Variants in INPP4B observed in about 807,000 individuals in gnomAD.
INPP4B encodes the protein inositol polyphosphate 4-phosphatase type II.
A neutral mutation model predicts 122.5 loss-of-function variants in INPP4B; 55 were observed. The observed-to-expected ratio is 0.45, with a 90% CI of 0.36 to 0.56. The LOEUF (loss-of-function observed/expected upper bound fraction) is 0.56. INPP4B is among the 20% of genes least tolerant of loss of function. INPP4B has a pLI of 0.00. For synonymous variants in INPP4B, 403 were observed against 388.7 expected (o/e 1.04, Z -0.43); for missense variants, 1,000 against 1,097.7 (o/e 0.91, Z 1.26).
At chr4:142,641,287 T>C (rs1395150882) in intron 2 of INPP4B, among the ~76,000 whole-genome samples, 3 of 152,284 alleles carry the variant, frequency 2.0e-5, no homozygotes, top group Non-Finnish European at 2.9e-5. Context: ...ATATTTATTA[T>C]ACTTTAAGTT....
intron 2 of INPP4B, among the ~76,000 whole-genome samples, chr4:142,676,991 T>C (rs1262213519): frequency 6.6e-6 from 1 of 151,952 alleles, no homozygotes; most frequent in African/African-American, 2.4e-5. Flanking sequence ...TATTGACAAA[T>C]AGAATATAAT....
chr4:142,351,238 C>A (rs1001850172), intron 7 of INPP4B, among the ~76,000 whole-genome samples: 1 of 151,942 alleles, frequency 6.6e-6, no homozygotes, highest in Non-Finnish European at 1.5e-5. Flanking sequence ...CTCTACTAGT[C>A]CTTTCCTCCA....
intron 7 of INPP4B, among the ~76,000 whole-genome samples, chr4:142,379,822 T>C (rs1028781526): frequency 6.6e-6 from 1 of 152,204 alleles, no homozygotes; most frequent in African/African-American, 2.4e-5. Context: ...CGTCAGGCAC[T>C]GTGTAAGGGA....
intron 25 of INPP4B, chr4:142,029,856 T>G: frequency 9.3e-7 from 1 of 1,075,732 alleles, no homozygotes; most frequent in Non-Finnish European, 1.1e-6. Flanking sequence ...CTTTCAGGAT[T>G]CTGTTCTTTG....
intron 16 of INPP4B, among the ~76,000 whole-genome samples, chr4:142,167,305 C>G (rs1333146212): frequency 1.3e-5 from 2 of 151,756 alleles, no homozygotes; most frequent in African/African-American, 4.8e-5. Context: ...GAAAACCAAA[C>G]ACTACATGTT....
chr4:142,143,255 C>A (rs1256369894), intron 18 of INPP4B, among the ~76,000 whole-genome samples: 8 of 152,076 alleles, frequency 5.3e-5, no homozygotes. Context: ...GTATGTTCTT[C>A]AAGCCCATTA....
chr4:142,514,428 G>T (rs1198756514), intron 2 of INPP4B: 1 of 152,036 alleles, frequency 6.6e-6, no homozygotes, highest in Non-Finnish European at 1.5e-5. Flanking sequence ...TAAAATCTGT[G>T]TTGTCTTTTG....
intron 2 of INPP4B, among the ~76,000 whole-genome samples, chr4:142,517,989 T>C (rs1825621849): frequency 6.6e-6 from 1 of 152,220 alleles, no homozygotes; most frequent in Admixed American, 6.5e-5. Context: ...ATTGTTTCAT[T>C]ATCACAATGT....
Position 142,208,461 on chromosome 4 carries a change from G to T in INPP4B, c.1036C>A (p.Leu346Met). 6.2e-7 allele frequency: 1 copy of T among 1,600,186 alleles called. No homozygotes were observed. The highest frequency in any genetic ancestry group is 8.5e-7 in the Non-Finnish European group (1 of 1,172,358). Reference sequence around the variant, plus strand: ...GGGCTGTGTACCTGCATTCTTTGCAGATGTAGATTTATTGGAACAAATTCT... The same window carrying T: ...GGGCTGTGTACCTGCATTCTTTGCATATGTAGATTTATTGGAACAAATTCT... Reference protein sequence around the residue: ...TLEFVPINLHLQRMQVHSPHL... With the variant: ...TLEFVPINLHMQRMQVHSPHL... Residue 346 changes from leucine to methionine, a missense_variant, in exon 14 of 26, where the codon CTG becomes ATG. Physicochemically the swap from Leu to Met is conservative, Grantham distance 15. Coordinates refer to ENST00000262992, the MANE Select transcript of INPP4B (RefSeq NM_001101669.3).
intron 21 of INPP4B, among the ~76,000 whole-genome samples, chr4:142,116,681 T>G (rs1208292097): frequency 6.6e-6 from 1 of 152,154 alleles, no homozygotes; most frequent in African/African-American, 2.4e-5. Context: ...GGGAAATGTA[T>G]AGCAACAAAT....
intron 1 of INPP4B, among the ~76,000 whole-genome samples, chr4:142,836,595 C>G (rs945767375): frequency 2.0e-5 from 3 of 150,770 alleles, no homozygotes; most frequent in Non-Finnish European, 4.4e-5. Flanking sequence ...ATAACAACAA[C>G]AAAAAAAGTG....
At chr4:142,489,748 T>C (rs2149776604) in intron 2 of INPP4B, among the ~76,000 whole-genome samples, 1 of 152,256 alleles carries the variant, frequency 6.6e-6, no homozygotes, top group Admixed American at 6.5e-5. Flanking sequence ...TGAGAGTCAA[T>C]GTTAAAAATA....
chr4:142,488,596 T>C (rs1821472756), intron 2 of INPP4B, among the ~76,000 whole-genome samples: 1 of 152,096 alleles, frequency 6.6e-6, no homozygotes, highest in Non-Finnish European at 1.5e-5. Flanking sequence ...TTTTTACTTA[T>C]GTCAATTTTG....
Position 142,028,648 on chromosome 4 carries a change from T to C in INPP4B, c.*134A>G, listed in dbSNP as rs2152253720. 4 of 869,548 alleles carry C rather than the reference T, an allele frequency of 4.6e-6. No homozygotes were observed. The highest frequency in any genetic ancestry group is 5.1e-5 in the East Asian group (2 of 39,236). 53.9% of individuals were successfully genotyped at this position (869,548 alleles called of 1,614,324 possible). ...GCTGATGATGAATTGAAGTAGTTCC[T>C]AGATTTTGGGAAACATCTGTGATCA... On this transcript the variant is annotated 3_prime_UTR_variant, in exon 26 of 26. Transcript: ENST00000262992.
At chr4:142,322,882 A>G (rs1174026140) in intron 7 of INPP4B, among the ~76,000 whole-genome samples, 1 of 152,196 alleles carries the variant, frequency 6.6e-6, no homozygotes, top group African/African-American at 2.4e-5. Context: ...GAAGGACCCA[A>G]GCATCAGTAT....
rs145894942 is a variant in INPP4B, at chr4:142,037,768, T to C, written c.2643-8854A>G. 2.1e-3 allele frequency among the ~76,000 whole-genome samples: 322 copies of C among 152,256 alleles called. 2 individuals carry two copies. Among genetic ancestry groups the C allele is most frequent in the African/African-American group, 7.4e-3 (309 of 41,544 alleles). On this transcript the variant is annotated intron_variant, in intron 25 of 25. Transcript: ENST00000262992. Reference sequence around the variant, plus strand: ...ACGTTTCAGGCCCTAGACTGTTGAATTGTATCAGATTTAAATCCTGCAGAT... The same window carrying C: ...ACGTTTCAGGCCCTAGACTGTTGAACTGTATCAGATTTAAATCCTGCAGAT...
intron 2 of INPP4B, among the ~76,000 whole-genome samples, chr4:142,679,704 A>G (rs1337430196): frequency 1.3e-5 from 2 of 151,776 alleles, no homozygotes; most frequent in African/African-American, 4.8e-5. Flanking sequence ...TATAAGATGA[A>G]AAGTTGACAA....
chr4:142,642,655 GT>G (rs1750779191), intron 2 of INPP4B, among the ~76,000 whole-genome samples: 1 of 152,186 alleles, frequency 6.6e-6, no homozygotes, highest in Admixed American at 6.5e-5. Flanking sequence ...GTACCATGCT[GT>G]TTTGGTTACT....
At chr4:142,590,014 G>A (rs144456091) in intron 2 of INPP4B, among the ~76,000 whole-genome samples, 37 of 152,224 alleles carry the variant, frequency 2.4e-4, no homozygotes, top group African/African-American at 8.7e-4. Flanking sequence ...TTAAGTGGAA[G>A]AGCCCCTTCT....
Sources: gnomAD v4.1 joint callset for allele counts (sites outside exome capture counted in the v4.1 genomes callset) on GRCh38, gnomAD v4.1.1 for gene constraint, MANE v1.5 for transcripts, NCBI Gene and HGNC (gene_info 2026-07-23, HGNC 2026-07-21) for gene names.